Variants in ADAMTSL1 observed in about 807,000 individuals in gnomAD.
ADAMTSL1 encodes ADAMTS-like protein 1.
Under a neutral mutation model 201.8 loss-of-function variants are expected in ADAMTSL1, and 126 were observed. That is an observed-to-expected ratio of 0.62 (90% CI 0.54 to 0.72). ADAMTSL1 has a LOEUF of 0.72. ADAMTSL1 is among the 30% of genes least tolerant of loss of function. The pLI is 0.00. For synonymous variants in ADAMTSL1, 1,121 were observed against 903.4 expected (o/e 1.24, Z -4.32); for missense variants, 2,679 against 2,277.8 (o/e 1.18, Z -3.59).
intron 1 of ADAMTSL1, among the ~76,000 whole-genome samples, chr9:18,082,377 T>C (rs748822205): frequency 4.6e-5 from 7 of 152,180 alleles, no homozygotes; most frequent in Non-Finnish European, 8.8e-5. Flanking sequence ...TGACGTGATC[T>C]CAGCTCTCAC....
At chr9:18,272,817 C>G (rs748894560) in intron 2 of ADAMTSL1, among the ~76,000 whole-genome samples, 1 of 152,198 alleles carries the variant, frequency 6.6e-6, no homozygotes, top group Admixed American at 6.5e-5. Flanking sequence ...TCCGTGAAGC[C>G]TTTCCTTAGT....
At chr9:18,130,084 A>C (rs1436521678) in intron 1 of ADAMTSL1, among the ~76,000 whole-genome samples, 1 of 152,138 alleles carries the variant, frequency 6.6e-6, no homozygotes, top group Non-Finnish European at 1.5e-5. Context: ...AGAGAAAAGA[A>C]TGTGAAGCCC....
chr9:18,706,961 G>C lies in ADAMTSL1; in HGVS notation c.1789G>C (p.Gly597Arg), dbSNP rs549910924. The C allele has an allele frequency of 6.8e-6, 11 of 1,613,958 alleles. No homozygotes were observed. Among genetic ancestry groups the C allele is most frequent in the South Asian group, 2.2e-5 (2 of 91,070 alleles). The change falls in exon 14 of 29, where the codon GGG becomes CGG. Residue 597 changes from glycine (G) to arginine (R), a missense_variant. Gly to Arg is a moderately radical substitution (Grantham distance 125, BLOSUM62 -2). Transcript: ENST00000380548. ...IPEFNPDETDGLFGGLQDFDE... is the reference protein window; with the variant it reads ...IPEFNPDETDRLFGGLQDFDE... ...TGAGTTCAACCCAGACGAGACAGAT[G>C]GGCTCTTTGGTGGCCTGCAGGATTT... is the stretch of plus-strand genomic sequence containing the variant.
At chr9:18,228,987 C>T (rs79100484) in intron 2 of ADAMTSL1, among the ~76,000 whole-genome samples, 1,944 of 151,950 alleles carry the variant, frequency 0.013, 50 homozygotes, top group African/African-American at 0.045. Context: ...TCTCTTCACG[C>T]GCTTGATATA....
intron 1 of ADAMTSL1, among the ~76,000 whole-genome samples, chr9:17,973,076 A>G: frequency 3.8e-5 from 1 of 26,624 alleles, no homozygotes; most frequent in Non-Finnish European, 9.9e-5. Context: ...CCTTTGTCAG[A>G]TGAGTAGGTT....
chr9:18,797,157 G>A (rs891701192), intron 20 of ADAMTSL1, among the ~76,000 whole-genome samples: 2 of 152,158 alleles, frequency 1.3e-5, no homozygotes, highest in South Asian at 4.1e-4. Flanking sequence ...GGGGAGGAGA[G>A]GGGCTGCCTG....
At chr9:18,581,760 G>C (rs1823109704) in intron 4 of ADAMTSL1, among the ~76,000 whole-genome samples, 1 of 152,174 alleles carries the variant, frequency 6.6e-6, no homozygotes, top group Non-Finnish European at 1.5e-5. Flanking sequence ...TCCTAAGCAT[G>C]TCTGATACCG....
chr9:18,822,962 G>C (rs1824305981), intron 21 of ADAMTSL1, among the ~76,000 whole-genome samples: 1 of 151,594 alleles, frequency 6.6e-6, no homozygotes, highest in African/African-American at 2.4e-5. Flanking sequence ...TCTCCTGAGA[G>C]AAAAAGAAAA....
chr9:18,134,095 C>A (rs2131977188), intron 1 of ADAMTSL1, among the ~76,000 whole-genome samples: 1 of 152,262 alleles, frequency 6.6e-6, no homozygotes, highest in African/African-American at 2.4e-5. Flanking sequence ...AAATAAACTC[C>A]CATTAAGCCA....
chr9:18,096,978 T>G (rs2131833457), intron 1 of ADAMTSL1, among the ~76,000 whole-genome samples: 1 of 152,334 alleles, frequency 6.6e-6, no homozygotes, highest in Non-Finnish European at 1.5e-5. Context: ...ATTGTAAGTA[T>G]GCTTTTGGAT....
chr9:18,835,105 G>C (rs750416697), intron 23 of ADAMTSL1, among the ~76,000 whole-genome samples: 1 of 152,138 alleles, frequency 6.6e-6, no homozygotes, highest in Admixed American at 6.6e-5. Flanking sequence ...AAAGTTCTGA[G>C]TTCTCCTTGT....
chr9:18,251,680 G>T (rs1044790326), intron 2 of ADAMTSL1, among the ~76,000 whole-genome samples: 1 of 152,210 alleles, frequency 6.6e-6, no homozygotes, highest in African/African-American at 2.4e-5. Context: ...TGGGAAAAGA[G>T]TTGTGTGTGA....
chr9:18,777,330 G>C lies in ADAMTSL1; in HGVS notation c.3101G>C (p.Trp1034Ser). ...TCCCGGCTGCTGGAGCAGGGCGGCT[G>C]GCCCGGAGAGCTGCTGGCCTCGTGG... ...LVSRLLEQGG[W>S]PGELLASWEA... The change falls in exon 19 of 29, where the codon TGG becomes TCG. Residue 1034 changes from tryptophan to serine, a missense_variant. Physicochemically the swap from Trp to Ser is radical, Grantham distance 177. Transcript: ENST00000380548. The C allele has an allele frequency of 6.2e-7, 1 of 1,601,770 alleles. No homozygotes were observed. The highest frequency in any genetic ancestry group is 2.3e-5 in the East Asian group (1 of 44,370).
intron 3 of ADAMTSL1, among the ~76,000 whole-genome samples, chr9:18,560,131 TA>T: frequency 6.6e-6 from 1 of 152,210 alleles, no homozygotes; most frequent in Non-Finnish European, 1.5e-5. Flanking sequence ...TTCAGTATGA[TA>T]TTGGCTGTGG....
chr9:18,762,626 C>G (rs1820139384), intron 16 of ADAMTSL1, among the ~76,000 whole-genome samples: 1 of 151,802 alleles, frequency 6.6e-6, no homozygotes, highest in East Asian at 1.9e-4. Flanking sequence ...ATTATCCATC[C>G]CACCCTCCCC....
At chr9:18,628,960 C>T (rs1826566664) in intron 5 of ADAMTSL1, among the ~76,000 whole-genome samples, 1 of 152,190 alleles carries the variant, frequency 6.6e-6, no homozygotes, top group African/African-American at 2.4e-5. Context: ...CATTCCTTAG[C>T]TCAAGTGATC....
intron 1 of ADAMTSL1, among the ~76,000 whole-genome samples, chr9:18,143,312 C>G (rs1023652527): frequency 2.6e-5 from 4 of 152,146 alleles, no homozygotes; most frequent in African/African-American, 9.7e-5. Flanking sequence ...CACATGGGCT[C>G]TGGTCAATTG....
intron 2 of ADAMTSL1, among the ~76,000 whole-genome samples, chr9:18,204,369 A>G (rs1340932323): frequency 6.6e-6 from 1 of 152,060 alleles, no homozygotes; most frequent in Non-Finnish European, 1.5e-5. Flanking sequence ...CACCTTGTGA[A>G]GAAGGTGCCT....
intron 20 of ADAMTSL1, among the ~76,000 whole-genome samples, chr9:18,802,040 C>G (rs544788744): frequency 6.6e-6 from 1 of 152,094 alleles, no homozygotes; most frequent in South Asian, 2.1e-4. Flanking sequence ...ACTTTGGGAG[C>G]CTGAGGTGGA....
Sources: allele counts gnomAD v4.1 joint callset (sites outside exome capture counted in the v4.1 genomes callset), GRCh38; gene constraint gnomAD v4.1.1; transcripts MANE v1.5; gene names NCBI Gene and HGNC (gene_info 2026-07-23, HGNC 2026-07-21).